Variants in NBPF12 observed in about 807,000 individuals in gnomAD.
NBPF12 encodes the protein NBPF family member NBPF12.
In NBPF12, 115 loss-of-function variants were observed where a neutral mutation model predicts 146.4. That is an observed-to-expected ratio of 0.79 (90% confidence interval 0.68 to 0.92). NBPF12 has a LOEUF of 0.92. NBPF12 is among the 40% of genes least tolerant of loss of function. The pLI, the probability that NBPF12 is intolerant of heterozygous loss-of-function variation, is 0.00. For synonymous variants in NBPF12, 385 were observed against 508.9 expected (o/e 0.76, Z 3.28); for missense variants, 1,205 against 1,326.8 (o/e 0.91, Z 1.43).
chr1:146,939,523 T>C (rs1162075637), intron 1 of NBPF12, among the ~76,000 whole-genome samples: 1 of 151,922 alleles, frequency 6.6e-6, no homozygotes, highest in Non-Finnish European at 1.5e-5. Context: ...GGGGCAAGCC[T>C]CCAATTAACC....
chr1:146,974,292 C>T, intron 14 of NBPF12, among the ~76,000 whole-genome samples: 1 of 142,268 alleles, frequency 7.0e-6, no homozygotes. Context: ...TTTTTAAAAT[C>T]TTTCACATAC....
chr1:146,970,531 G>A (rs1656532220), intron 11 of NBPF12, 116 bp from the exon 15 acceptor site: 2 of 1,356,112 alleles, frequency 1.5e-6, no homozygotes, highest in Non-Finnish European at 2.1e-6. Flanking sequence ...AAACATGAGA[G>A]TTTTCAGTAC....
intron 10 of NBPF12, 30 bp downstream of exon 13, chr1:146,968,580 G>A: frequency 1.3e-6 from 2 of 1,553,166 alleles, no homozygotes; most frequent in Non-Finnish European, 1.8e-6. Context: ...GCAGGCAGGG[G>A]GGCAGGTGTG....
exon 8 of NBPF12, chr1:146,964,951 A>G (rs1425704702): frequency 1.9e-6 from 3 of 1,608,520 alleles, no homozygotes; most frequent in African/African-American, 2.7e-5. Flanking sequence ...GGAATGTGCC[A>G]TCACTTGTTC....
chr1:146,971,220 G>A (rs1392421799), exon 13 of NBPF12: 9 of 1,611,888 alleles, frequency 5.6e-6, no homozygotes, highest in Non-Finnish European at 7.6e-6. Flanking sequence ...AGTCCCTGAG[G>A]ACTCACTGGA....
chr1:146,971,831 G>A (rs1432515960), intron 13 of NBPF12, among the ~76,000 whole-genome samples: 5 of 150,224 alleles, frequency 3.3e-5, no homozygotes, highest in African/African-American at 1.2e-4. Context: ...TGTAATCCCA[G>A]CACTTTGGGA....
chr1:146,986,094 C>A (rs1243635029), intron 23 of NBPF12, among the ~76,000 whole-genome samples: 2 of 151,204 alleles, frequency 1.3e-5, no homozygotes, highest in African/African-American at 4.9e-5. Context: ...CCTTTGACCC[C>A]TTCATCAGTG....
chr1:146,982,504 T>C (rs1434235270), intron 19 of NBPF12, among the ~76,000 whole-genome samples: 1 of 151,830 alleles, frequency 6.6e-6, no homozygotes, highest in African/African-American at 2.4e-5. Context: ...AAATATATTA[T>C]ATCAAAATAT....
chr1:146,981,137 G>A (rs1199248847), intron 19 of NBPF12, among the ~76,000 whole-genome samples: 1 of 93,930 alleles, frequency 1.1e-5, no homozygotes, highest in Non-Finnish European at 2.0e-5. Flanking sequence ...TTGTAGGGTG[G>A]GGGGAGGGAG....
At chr1:146,981,277 TAAAAAAA>T (rs878971787) in intron 19 of NBPF12, among the ~76,000 whole-genome samples, 11 of 101,274 alleles carry the variant, frequency 1.1e-4, no homozygotes, top group Admixed American at 1.2e-4. Flanking sequence ...CTTAAAGTAT[TAAAAAAA>T]AAAAAAAAAA....
chr1:146,992,487 TG>T lies in NBPF12; in HGVS notation c.3849-224del, dbSNP rs1658256457. ...CTGTGTGTGTGTGTGTGTGTGTGTG[TG>T]TGTGTGTGTGTGTGTGTGTGTGTGT... On this transcript the variant is annotated intron_variant, in intron 31 of 33. Coordinates refer to ENST00000617844, the Ensembl canonical transcript of NBPF12. Among the ~76,000 whole-genome samples, 54 of 140,366 alleles carry T rather than the reference TG, an allele frequency of 3.8e-4. 3 individuals carry two copies. Among genetic ancestry groups the T allele is most frequent in the African/African-American group, 1.3e-3 (50 of 37,310 alleles). 92.1% of individuals were successfully genotyped at this position (140,366 alleles called of 152,430 possible).
intron 7 of NBPF12, 81 bp from the exon 11 acceptor site, chr1:146,964,812 G>T (rs1298728711): frequency 1.9e-6 from 3 of 1,596,818 alleles, no homozygotes; most frequent in Admixed American, 1.7e-5. Flanking sequence ...AATGCCGCCT[G>T]TCAAAACCAG....
Position 146,963,299 on chromosome 1 carries a change from G to C in NBPF12, c.483G>C (p.Lys161Asn), listed in dbSNP as rs1416022455. The C allele has an allele frequency of 1.7e-5, 28 of 1,611,806 alleles. No individual in the cohort carries two copies. The Admixed American group carries it at 3.0e-4, about 17-fold the overall frequency. The change falls in exon 6 of 34, where the codon AAG becomes AAC. Residue 161 changes from lysine to asparagine, a missense_variant. This residue lies in a region of NBPF12 where 325 missense variants were observed against 236.6 expected (regional missense o/e 1.37). Coordinates refer to ENST00000617844, the Ensembl canonical transcript of NBPF12. ...GACTGGCACAGCAACTTGTCCAAAA[G>C]CTCAGCCCAGGTAAGGTGGCCATAG...
chr1:146,950,438 A>G (rs1200966390), intron 1 of NBPF12, among the ~76,000 whole-genome samples: 23 of 151,986 alleles, frequency 1.5e-4, no homozygotes, highest in Non-Finnish European at 1.5e-4. Flanking sequence ...ATGAGGGAAC[A>G]TGGAGGGGAT....
At chr1:146,961,650 C>T (rs1655858062) in intron 4 of NBPF12, among the ~76,000 whole-genome samples, 2 of 151,966 alleles carry the variant, frequency 1.3e-5, no homozygotes, top group Non-Finnish European at 2.9e-5. Context: ...ACACTTTATG[C>T]TTCAGATATG....
At chr1:146,969,711 G>A in intron 11 of NBPF12, 115 bp downstream of exon 14, 1 of 1,567,448 alleles carries the variant, frequency 6.4e-7, no homozygotes, top group Non-Finnish European at 8.7e-7. Context: ...CTACACATGT[G>A]TGGCCATGAC....
intron 2 of NBPF12, among the ~76,000 whole-genome samples, chr1:146,955,979 G>GAC (rs1655568173): frequency 1.4e-5 from 2 of 147,912 alleles, no homozygotes; most frequent in Admixed American, 1.4e-4. Context: ...TAAGGGCACT[G>GAC]GCTTCTTTTT....
chr1:146,949,797 A>G (rs1298114075), intron 1 of NBPF12, among the ~76,000 whole-genome samples: 7 of 151,614 alleles, frequency 4.6e-5, no homozygotes, highest in African/African-American at 1.7e-4. Flanking sequence ...GCAGGGAGAC[A>G]CTCTACTCTG....
intron 16 of NBPF12, among the ~76,000 whole-genome samples, chr1:146,976,647 G>C (rs1373607983): frequency 2.0e-5 from 3 of 151,420 alleles, no homozygotes; most frequent in Non-Finnish European, 4.4e-5. Context: ...GGAGACAGCT[G>C]CCAAAGTCCA....
Sources: gnomAD v4.1 joint callset for allele counts (sites outside exome capture counted in the v4.1 genomes callset) on GRCh38, gnomAD v4.1.1 for gene constraint, gnomAD v4.1.1 regional missense constraint, MANE v1.5 for transcripts, NCBI Gene and HGNC (gene_info 2026-07-23, HGNC 2026-07-21) for gene names.